Variants in ZNRF2 observed in about 807,000 individuals in gnomAD.
The protein encoded by ZNRF2 is E3 ubiquitin-protein ligase ZNRF2.
In ZNRF2, 16 loss-of-function variants were observed where a neutral mutation model predicts 20.4. That is an observed-to-expected ratio of 0.79 (90% CI 0.53 to 1.19). The LOEUF (loss-of-function observed/expected upper bound fraction) is 1.19. Among genes scored for constraint, ZNRF2 ranks in the 50% most tolerant of loss-of-function variants. The probability of loss-of-function intolerance (pLI) is 0.00; values close to 1 mark genes in which losing one functional copy is unlikely to be tolerated. For synonymous variants in ZNRF2, 178 were observed against 144.9 expected (o/e 1.23, Z -1.64); for missense variants, 363 against 332.4 (o/e 1.09, Z -0.72).
In ZNRF2 at chr7:30,287,913, A is replaced by T. The variant is rs1262840801; in HGVS notation, c.469+2087A>T. ...TGATTCAGATGAGGAACCTCAGTTG[A>T]GAATTGCTGGAAAGACATCAGAGAA... On this transcript the variant is annotated intron_variant, in intron 1 of 4. Coordinates refer to ENST00000323037, the MANE Select transcript of ZNRF2 (RefSeq NM_147128.4). 2.0e-5 allele frequency among the ~76,000 whole-genome samples: 3 copies of T among 152,214 alleles called. No individual in the cohort carries two copies. In the East Asian group the frequency reaches 5.8e-4, roughly 29 times the overall value.
Position 30,330,916 on chromosome 7 carries a change from G to A in ZNRF2, c.565+7179G>A, listed in dbSNP as rs545054481. Among the ~76,000 whole-genome samples, 5 of 152,252 alleles carry A rather than the reference G, an allele frequency of 3.3e-5. No individual in the cohort carries two copies. In the South Asian group the frequency reaches 8.3e-4, roughly 25 times the overall value. On this transcript the variant is annotated intron_variant, in intron 2 of 4. Coordinates refer to ENST00000323037, the MANE Select transcript of ZNRF2 (RefSeq NM_147128.4). ...CGTCTCTGTTCATTTATGTACATTG[G>A]TGGTTTCTGTGGTTGAGTTTTAACT...
intron 3 of ZNRF2, among the ~76,000 whole-genome samples, chr7:30,361,408 G>A (rs931060108): frequency 6.6e-6 from 1 of 152,146 alleles, no homozygotes; most frequent in Non-Finnish European, 1.5e-5. Flanking sequence ...CTGGACATGA[G>A]GATGATAAAT....
chr7:30,316,172 C>T (rs1799370408), intron 1 of ZNRF2, among the ~76,000 whole-genome samples: 1 of 151,240 alleles, frequency 6.6e-6, no homozygotes, highest in African/African-American at 2.4e-5. Flanking sequence ...CCTGTAATCC[C>T]AGCTACTTGG....
At chr7:30,286,855 A>T (rs977001044) in intron 1 of ZNRF2, among the ~76,000 whole-genome samples, 2 of 152,206 alleles carry the variant, frequency 1.3e-5, no homozygotes, top group Admixed American at 6.5e-5. Context: ...CGAAAACACG[A>T]TCCCCTACAT....
At chr7:30,319,760 C>T (rs1043420877) in intron 1 of ZNRF2, among the ~76,000 whole-genome samples, 6 of 152,132 alleles carry the variant, frequency 3.9e-5, no homozygotes, top group Non-Finnish European at 8.8e-5. Flanking sequence ...ATTAATGACA[C>T]TAGTGATTCA....
At chr7:30,310,451 T>C (rs1425299785) in intron 1 of ZNRF2, among the ~76,000 whole-genome samples, 1 of 152,196 alleles carries the variant, frequency 6.6e-6, no homozygotes, top group African/African-American at 2.4e-5. Context: ...GCTTTGCAGA[T>C]CTTTTGGTCT....
chr7:30,307,226 C>T (rs997806101), intron 1 of ZNRF2, among the ~76,000 whole-genome samples: 1 of 150,910 alleles, frequency 6.6e-6, no homozygotes, highest in Admixed American at 6.6e-5. Context: ...CCTGTCCTTG[C>T]ATGCTGTGTC....
intron 3 of ZNRF2, among the ~76,000 whole-genome samples, chr7:30,358,329 T>C (rs941678272): frequency 6.6e-6 from 1 of 152,184 alleles, no homozygotes; most frequent in African/African-American, 2.4e-5. Flanking sequence ...CTAAAAGGAC[T>C]ATAAGGCTTA....
At chr7:30,354,212 C>A (rs1800001982) in intron 2 of ZNRF2, among the ~76,000 whole-genome samples, 1 of 152,026 alleles carries the variant, frequency 6.6e-6, no homozygotes, top group African/African-American at 2.4e-5. Context: ...ATAACATTTT[C>A]CGTTTATCCA....
chr7:30,310,017 A>G (rs1382182992), intron 1 of ZNRF2, among the ~76,000 whole-genome samples: 2 of 152,068 alleles, frequency 1.3e-5, no homozygotes, highest in East Asian at 3.9e-4. Flanking sequence ...CAGTTTGGGG[A>G]AGGGTGAGGT....
chr7:30,362,888 C>T (rs1002318469), intron 4 of ZNRF2, among the ~76,000 whole-genome samples: 21 of 152,228 alleles, frequency 1.4e-4, no homozygotes, highest in African/African-American at 5.1e-4. Flanking sequence ...GAAGCCGAGG[C>T]GGGCGGGTCA....
At chr7:30,337,636 G>A (rs1799736019) in intron 2 of ZNRF2, among the ~76,000 whole-genome samples, 1 of 152,030 alleles carries the variant, frequency 6.6e-6, no homozygotes, top group Admixed American at 6.6e-5. Context: ...AAACATGTTT[G>A]AAAATATAGT....
intron 3 of ZNRF2, among the ~76,000 whole-genome samples, chr7:30,359,620 TTTAA>T (rs1800096059): frequency 1.3e-5 from 2 of 152,176 alleles, no homozygotes; most frequent in South Asian, 4.1e-4. Context: ...TTACTCTTAG[TTTAA>T]TTAGACCATG....
At chr7:30,349,413 C>G (rs560501563) in intron 2 of ZNRF2, among the ~76,000 whole-genome samples, 2 of 152,020 alleles carry the variant, frequency 1.3e-5, no homozygotes, top group African/African-American at 2.4e-5. Flanking sequence ...TCCCTTCTTG[C>G]GAATAATCAC....
intron 1 of ZNRF2, among the ~76,000 whole-genome samples, chr7:30,314,069 G>C (rs1799329166): frequency 6.6e-6 from 1 of 152,200 alleles, no homozygotes; most frequent in Non-Finnish European, 1.5e-5. Context: ...GTTGTGAATA[G>C]TGGTTTAGTT....
intron 1 of ZNRF2, among the ~76,000 whole-genome samples, chr7:30,323,102 C>T (rs1799500479): frequency 6.6e-6 from 1 of 152,232 alleles, no homozygotes; most frequent in East Asian, 1.9e-4. Flanking sequence ...GCAGAAAGAC[C>T]ATTAAAGTAG....
chr7:30,305,189 A>G (rs917479544), intron 1 of ZNRF2, among the ~76,000 whole-genome samples: 2 of 152,204 alleles, frequency 1.3e-5, no homozygotes, highest in African/African-American at 4.8e-5. Context: ...ATCAGCAACT[A>G]GTACAAATCA....
intron 2 of ZNRF2, among the ~76,000 whole-genome samples, chr7:30,341,027 T>C (rs1164008561): frequency 6.6e-6 from 1 of 152,212 alleles, no homozygotes; most frequent in African/African-American, 2.4e-5. Context: ...TTTATTTGCA[T>C]AGAAGTTTTT....
intron 4 of ZNRF2, among the ~76,000 whole-genome samples, chr7:30,362,989 CG>C (rs1800152283): frequency 6.6e-6 from 1 of 152,080 alleles, no homozygotes; most frequent in Non-Finnish European, 1.5e-5. Context: ...GGCCTGGTGG[CG>C]GGTGCCTGTA....
Sources: gnomAD v4.1 joint callset for allele counts (sites outside exome capture counted in the v4.1 genomes callset) on GRCh38, gnomAD v4.1.1 for gene constraint, MANE v1.5 for transcripts, NCBI Gene and HGNC (gene_info 2026-07-23, HGNC 2026-07-21) for gene names.